Variants in CDH17 observed in about 807,000 individuals in gnomAD.
CDH17 encodes the protein cadherin 17.
CDH17 carries 67 observed loss-of-function variants against 86.3 expected under a neutral mutation model. That is an observed-to-expected ratio of 0.78 (90% CI 0.64 to 0.95). The LOEUF is 0.95. Among genes scored for constraint, CDH17 ranks in the 40% least tolerant of loss-of-function variants. CDH17 has a pLI of 0.00. For missense variants in CDH17, 993 were observed against 1,017.6 expected, an observed-to-expected ratio of 0.98 and a Z score of 0.33; for synonymous variants, 367 against 366.4, an observed-to-expected ratio of 1.00 and a Z score of -0.02.
chr8:94,175,421 G>A (rs1320322329), intron 5 of CDH17, among the ~76,000 whole-genome samples: 1 of 152,122 alleles, frequency 6.6e-6, no homozygotes, highest in Non-Finnish European at 1.5e-5. Flanking sequence ...ATTCTCGGAG[G>A]CAGGCATTGA....
chr8:94,133,049 A>G (rs986311175), intron 15 of CDH17, among the ~76,000 whole-genome samples: 5 of 152,180 alleles, frequency 3.3e-5, no homozygotes, highest in African/African-American at 1.2e-4. Context: ...TACCAGTACC[A>G]TGCTGTTTTG....
intron 1 of CDH17, among the ~76,000 whole-genome samples, chr8:94,197,829 TAAAAAAAAAAAAA>T (rs34799637): frequency 8.2e-6 from 1 of 121,392 alleles, no homozygotes; most frequent in African/African-American, 3.0e-5. Flanking sequence ...AGACTCTGTC[TAAAAAAAAAAAAA>T]AAAAAAGAAA....
intron 15 of CDH17, among the ~76,000 whole-genome samples, chr8:94,132,911 T>C (rs911745930): frequency 5.3e-5 from 8 of 152,236 alleles, no homozygotes; most frequent in African/African-American, 1.9e-4. Context: ...CAGCACCATT[T>C]ATTAAATAGG....
intron 1 of CDH17, among the ~76,000 whole-genome samples, chr8:94,214,268 C>G (rs1814164305): frequency 6.6e-6 from 1 of 152,080 alleles, no homozygotes; most frequent in Non-Finnish European, 1.5e-5. Context: ...GACCAGCATG[C>G]ATGTGAGCTT....
Position 94,151,996 on chromosome 8 carries a change from A to ATCTT in CDH17, c.1667_1668insAAGA (p.Val557ArgfsTer7). On this transcript the variant is annotated frameshift_variant, in exon 13 of 18. Coordinates refer to ENST00000027335, the MANE Select transcript of CDH17 (RefSeq NM_004063.4). LOFTEE classifies it high-confidence loss of function. The stretch of plus-strand genomic sequence containing the variant: ...GAGGTGCTTCATTCACATCTGTCAC[A>ATCTT]ATAAGCGTGAACTTGGCAAAAGAAC... The ATCTT allele has an allele frequency of 6.2e-7, 1 of 1,614,206 alleles. No individual in the cohort carries two copies. Among genetic ancestry groups the ATCTT allele is most frequent in the Non-Finnish European group, 8.5e-7 (1 of 1,180,026 alleles).
upstream of CDH17, among the ~76,000 whole-genome samples, chr8:94,211,631 C>T (rs1814122988): frequency 1.3e-5 from 2 of 152,272 alleles, no homozygotes; most frequent in South Asian, 4.1e-4. Context: ...TTCTTTAAAA[C>T]TCAAAATGAA....
At chr8:94,153,997 G>T (rs1812903774) in intron 12 of CDH17, among the ~76,000 whole-genome samples, 1 of 152,206 alleles carries the variant, frequency 6.6e-6, no homozygotes, top group African/African-American at 2.4e-5. Flanking sequence ...CAACAATATA[G>T]TGTATACTTT....
rs529194292 is a variant in CDH17 at position 94,131,207 on chromosome 8, T to C, written c.2168-215A>G. Among the ~76,000 whole-genome samples, 4 of 152,330 alleles carry C rather than the reference T, an allele frequency of 2.6e-5. No homozygotes were observed. The East Asian group carries it at 5.8e-4, about 22-fold the overall frequency. ...AAGTTCTTAATTCATGATTTCTCTG[T>C]AGAAATTTATACTAAATATAGTCAA... On this transcript the variant is annotated intron_variant, in intron 15 of 17. Coordinates refer to ENST00000027335, the MANE Select transcript of CDH17 (RefSeq NM_004063.4).
In CDH17 at chr8:94,173,787, T is replaced by A; in HGVS notation, c.783+10A>T. 6.2e-7 allele frequency: 1 copy of A among 1,611,342 alleles called. No individual in the cohort carries two copies. The highest frequency in any genetic ancestry group is 1.3e-5 in the African/African-American group (1 of 74,984). ...GTTGGCTCTCAGTGTTACTTGGGCT[T>A]GGGTACTACCTGAGTGATTTTGATG... On this transcript the variant is annotated intron_variant, in intron 7 of 17. Coordinates refer to ENST00000027335, the MANE Select transcript of CDH17 (RefSeq NM_004063.4).
upstream of CDH17, among the ~76,000 whole-genome samples, chr8:94,212,615 T>C (rs1031080296): frequency 5.1e-5 from 5 of 97,244 alleles, no homozygotes; most frequent in Admixed American, 2.8e-4. Flanking sequence ...GAATCATACA[T>C]AATGCTGTTT....
At chr8:94,128,805 G>A (rs940310809) in intron 17 of CDH17, among the ~76,000 whole-genome samples, 4 of 152,002 alleles carry the variant, frequency 2.6e-5, no homozygotes, top group African/African-American at 7.3e-5. Flanking sequence ...GATTTTCATC[G>A]TGTCCATACC....
chr8:94,148,740 TTACCTAC>T lies in CDH17; in HGVS notation c.1924_1927+3del. 7.2e-7 allele frequency: 1 copy of T among 1,392,656 alleles called. No individual in the cohort carries two copies. Among genetic ancestry groups the T allele is most frequent in the Non-Finnish European group, 9.5e-7 (1 of 1,051,962 alleles). The allele number at this position is 1,392,656 out of a possible 1,614,324, so 86.3% of individuals were successfully genotyped here. On this transcript the variant is annotated splice_donor_variant and splice_donor_region_variant and coding_sequence_variant and intron_variant, in exon 14 of 18. Transcript: ENST00000027335. LOFTEE classifies it high-confidence loss of function. ...TTTTTTGTTTTTTTTTTTTTTTTGCTTACCTACTTCTGTGGCCACCACTTGTACCCGA... is the reference window on the plus strand; with the variant it reads ...TTTTTTGTTTTTTTTTTTTTTTTGCTTTCTGTGGCCACCACTTGTACCCGA...
intron 7 of CDH17, among the ~76,000 whole-genome samples, chr8:94,171,999 C>A (rs1476913417): frequency 9.5e-6 from 1 of 105,684 alleles, no homozygotes; most frequent in Non-Finnish European, 2.0e-5. Flanking sequence ...CCCCCTCCTC[C>A]CCCTCCTCCC....
chr8:94,199,189 C>T (rs1321543241), intron 1 of CDH17, among the ~76,000 whole-genome samples: 1 of 150,612 alleles, frequency 6.6e-6, no homozygotes, highest in African/African-American at 2.4e-5. Flanking sequence ...TCATACTATC[C>T]CTTGCATATA....
chr8:94,203,685 C>T (rs1435139655), intron 1 of CDH17, among the ~76,000 whole-genome samples: 1 of 152,152 alleles, frequency 6.6e-6, no homozygotes, highest in Non-Finnish European at 1.5e-5. Flanking sequence ...AAATTAAGGA[C>T]CCAATTAAAG....
chr8:94,138,649 C>T (rs1812579002), intron 15 of CDH17, among the ~76,000 whole-genome samples: 1 of 152,186 alleles, frequency 6.6e-6, no homozygotes, highest in Non-Finnish European at 1.5e-5. Context: ...GAAGGAACTA[C>T]TCAAGGCTGG....
At chr8:94,166,333 T>C (rs73695137) in intron 9 of CDH17, among the ~76,000 whole-genome samples, 44 of 152,342 alleles carry the variant, frequency 2.9e-4, no homozygotes, top group African/African-American at 1.0e-3. Flanking sequence ...AGCACCTTCC[T>C]TCTGAACCTC....
chr8:94,193,359 C>T (rs1772963594), intron 2 of CDH17, among the ~76,000 whole-genome samples: 2 of 152,184 alleles, frequency 1.3e-5, no homozygotes, highest in African/African-American at 4.8e-5. Flanking sequence ...TGGACGTACA[C>T]ACTGAACACT....
chr8:94,132,968 C>T (rs1433779569), intron 15 of CDH17, among the ~76,000 whole-genome samples: 1 of 152,032 alleles, frequency 6.6e-6, no homozygotes, highest in Admixed American at 6.6e-5. Context: ...TCAAAGATCA[C>T]ATGATTGTAC....
Sources: gnomAD v4.1 joint callset for allele counts (sites outside exome capture counted in the v4.1 genomes callset) on GRCh38, gnomAD v4.1.1 for gene constraint, MANE v1.5 for transcripts, NCBI Gene and HGNC (gene_info 2026-07-23, HGNC 2026-07-21) for gene names.